CACNA2D4: variants seen among roughly 807,000 people sequenced by gnomAD.
The protein encoded by CACNA2D4 is voltage-dependent calcium channel subunit alpha-2/delta-4.
In CACNA2D4, 157 loss-of-function variants were observed where a neutral mutation model predicts 163.8. That is an observed-to-expected ratio of 0.96 (90% CI 0.84 to 1.09). The LOEUF is 1.09. CACNA2D4 is among the 50% of genes least tolerant of loss of function. CACNA2D4 has a pLI of 0.00. For synonymous variants in CACNA2D4, 598 were observed against 586.9 expected (o/e 1.02, Z -0.27); for missense variants, 1,410 against 1,479.9 (o/e 0.95, Z 0.78).
chr12:1,886,767 G>C (rs1313405928), intron 7 of CACNA2D4, among the ~76,000 whole-genome samples: 1 of 152,190 alleles, frequency 6.6e-6, no homozygotes, highest in Non-Finnish European at 1.5e-5. Flanking sequence ...AGACAGCTCA[G>C]TGTCCTGGCA....
intron 2 of CACNA2D4, 124 bp from the exon 3 acceptor site, chr12:1,913,263 A>T: frequency 1.4e-6 from 1 of 711,198 alleles, no homozygotes; most frequent in Non-Finnish European, 2.6e-6. Flanking sequence ...GGTTTACTCA[A>T]CTAGGGTGAG....
intron 26 of CACNA2D4, among the ~76,000 whole-genome samples, chr12:1,815,763 T>C (rs746934175): frequency 7.2e-5 from 11 of 152,348 alleles, no homozygotes; most frequent in South Asian, 4.1e-4. Flanking sequence ...TCCATTTTGC[T>C]GTGCCCTCTC....
At chr12:1,865,654 CCAGCAGCAG>C (rs576632941) in intron 18 of CACNA2D4, among the ~76,000 whole-genome samples, 19 of 152,128 alleles carry the variant, frequency 1.2e-4, no homozygotes, top group Non-Finnish European at 2.8e-4. Context: ...CGCACGAGGC[CCAGCAGCAG>C]CAGCAGCACC....
Position 1,799,720 on chromosome 12 carries a change from A to C in CACNA2D4, c.2975-25T>G. 1 of 1,567,442 alleles carries C rather than the reference A, an allele frequency of 6.4e-7. No homozygotes were observed. On this transcript the variant is annotated intron_variant, in intron 33 of 37. Transcript: ENST00000382722. This position sits in a 1 kb window ranked among gnomAD's most constrained non-coding sequence, Gnocchi z 4.7. Reference sequence around the variant, plus strand: ...GCTGGCCGGAACATAAGCCCAGCACAGGGTGGACACGGCACAGGAAAACAT... The same window carrying C: ...GCTGGCCGGAACATAAGCCCAGCACCGGGTGGACACGGCACAGGAAAACAT...
At chr12:1,914,772 C>A in intron 2 of CACNA2D4, 82 bp downstream of exon 2, 1 of 904,666 alleles carries the variant, frequency 1.1e-6, no homozygotes, top group South Asian at 1.4e-5. Context: ...GCCCAAGGCC[C>A]CTCACAGCAC....
rs780211262 is a variant in CACNA2D4, at chr12:1,884,972, C to T, written c.1158+15G>A. The stretch of plus-strand genomic sequence containing the variant: ...CTCCCAGTCCTCCCCTCCCAGGCCT[C>T]ATTACAGTGGGCACCTGCTTCAGGA... On this transcript the variant is annotated intron_variant, in intron 10 of 37. Transcript: ENST00000382722. 1.9e-6 allele frequency: 3 copies of T among 1,612,254 alleles called. No homozygotes were observed. Among genetic ancestry groups the T allele is most frequent in the South Asian group, 2.2e-5 (2 of 91,050 alleles).
intron 23 of CACNA2D4, among the ~76,000 whole-genome samples, chr12:1,851,679 G>GT (rs71057803): frequency 1.0e-3 from 64 of 63,500 alleles, no homozygotes; most frequent in African/African-American, 2.0e-3. Flanking sequence ...GTGTGTGTGC[G>GT]TTTTTTTTTT....
At chr12:1,835,012 A>G (rs1444064048) in intron 26 of CACNA2D4, 6 of 433,320 alleles carry the variant, frequency 1.4e-5, no homozygotes, top group African/African-American at 4.0e-5. Flanking sequence ...TGTGTGCAAG[A>G]GGAGGCTTCC....
chr12:1,902,721 C>A (rs974614803), intron 6 of CACNA2D4, among the ~76,000 whole-genome samples: 1 of 151,854 alleles, frequency 6.6e-6, no homozygotes, highest in Non-Finnish European at 1.5e-5. Context: ...GAAGATGACA[C>A]AAAAAATGGA....
At chr12:1,839,369 G>A (rs564261892) in intron 26 of CACNA2D4, among the ~76,000 whole-genome samples, 18 of 152,338 alleles carry the variant, frequency 1.2e-4, no homozygotes, top group South Asian at 2.1e-4. Context: ...GGACCTGATC[G>A]TTCTCAGACA....
At chr12:1,855,209 G>T (rs11062007) in intron 22 of CACNA2D4, among the ~76,000 whole-genome samples, 2 of 152,120 alleles carry the variant, frequency 1.3e-5, no homozygotes, top group South Asian at 2.1e-4. Context: ...GCCTTGTCTG[G>T]GTTATCTCTG....
Position 1,884,724 on chromosome 12 carries a change from G to T in CACNA2D4, c.1272+44C>A, listed in dbSNP as rs1236678791. 4 of 1,296,780 alleles carry T rather than the reference G, an allele frequency of 3.1e-6. No homozygotes were observed. In the South Asian group the frequency reaches 3.7e-5, roughly 12 times the overall value. 80.3% of individuals were successfully genotyped at this position (1,296,780 alleles called of 1,614,324 possible). A position where few individuals can be genotyped will look rare whatever the true frequency, so the allele number is the denominator to read the frequency against. ...CCTGCTGGTGATCCCATCCATGGCA[G>T]CAGGAGAAGCTTTTTTCTCCCTGGA... On this transcript the variant is annotated intron_variant, in intron 11 of 37. Transcript: ENST00000382722.
rs1433576358 is a variant in CACNA2D4 at position 1,878,400 on chromosome 12, C to T, written c.1645-11G>A. On this transcript the variant is annotated splice_polypyrimidine_tract_variant and intron_variant, in intron 15 of 37. Coordinates refer to ENST00000382722, the MANE Select transcript of CACNA2D4 (RefSeq NM_172364.5). The surrounding 1 kb of genome is among the most constrained non-coding windows in gnomAD (Gnocchi z 4.6). ...TCCGTGCACTCCAAGCTGCCAGAGT[C>T]CAGGGTGGAGGCGCATTAGGCCTGC... The T allele has an allele frequency of 6.3e-7, 1 of 1,594,226 alleles. No homozygotes were observed. The highest frequency in any genetic ancestry group is 1.8e-5 in the Admixed American group (1 of 57,036).
rs1863031684 is a variant in CACNA2D4 at position 1,793,505 on chromosome 12, C to G, written c.*150G>C. Reference sequence around the variant, plus strand: ...GGTTTCCTGTTCCATCCAGCATTCTCCGGAGCCAGGGGCCACCAGCCCAGG... The same window carrying G: ...GGTTTCCTGTTCCATCCAGCATTCTGCGGAGCCAGGGGCCACCAGCCCAGG... On this transcript the variant is annotated 3_prime_UTR_variant, in exon 38 of 38. Transcript: ENST00000382722. 4.3e-6 allele frequency: 3 copies of G among 701,480 alleles called. No individual in the cohort carries two copies. 43.5% of individuals were successfully genotyped at this position (701,480 alleles called of 1,614,324 possible). A position where few individuals can be genotyped will look rare whatever the true frequency, so the allele number is the denominator to read the frequency against.
intron 26 of CACNA2D4, among the ~76,000 whole-genome samples, chr12:1,813,807 C>T (rs1216277434): frequency 6.6e-6 from 1 of 152,056 alleles, no homozygotes; most frequent in East Asian, 1.9e-4. Flanking sequence ...GACGGGGAGA[C>T]CCATTTGCTG....
At position 1,797,457 on chromosome 12, in the gene CACNA2D4, C is replaced by T. The variant is rs2154445103; in HGVS notation, c.3074G>A (p.Arg1025Gln). The T allele has an allele frequency of 6.3e-7, 1 of 1,580,236 alleles. No homozygotes were observed. The highest frequency in any genetic ancestry group is 1.3e-5 in the African/African-American group (1 of 74,534). ...GCACTCCACGATCCCGTTGGCCTCC[C>T]GGATGGCCGGCTGGTACACGAACAC... ...YPVFVYQPAI[R>Q]EANGIVECGP... Residue 1025 changes from arginine (R) to glutamine (Q), a missense_variant, in exon 35 of 38, where the codon CGG (arginine) becomes CAG (glutamine). Arg to Gln is a conservative substitution (Grantham distance 43). Coordinates refer to ENST00000382722, the MANE Select transcript of CACNA2D4 (RefSeq NM_172364.5).
At chr12:1,888,404 A>T (rs76324104) in intron 6 of CACNA2D4, among the ~76,000 whole-genome samples, 7,095 of 152,276 alleles carry the variant, frequency 0.047, 423 homozygotes, top group African/African-American at 0.14. Context: ...ACAAGCAAAG[A>T]TTCCCAAATA....
In CACNA2D4 at chr12:1,884,812, C is replaced by A; in HGVS notation, c.1228G>T (p.Asp410Tyr). The change falls in exon 11 of 38, where the codon GAC becomes TAC. Residue 410 changes from aspartate (D) to tyrosine (Y), a missense_variant. Transcript: ENST00000382722. ...IMLISDGAVE[D>Y]YEPVFEKYNW... ...TACTTCTCAAACACCGGCTCGTAGT[C>A]CTCCACGGCGCCGTCGCTGATGAGC... 6.2e-6 allele frequency: 10 copies of A among 1,613,740 alleles called. No individual in the cohort carries two copies. The highest frequency in any genetic ancestry group is 8.5e-6 in the Non-Finnish European group (10 of 1,179,812).
At chr12:1,810,469 AGCT>A (rs75775218) in intron 28 of CACNA2D4, 71 bp downstream of exon 28, 124,932 of 1,526,704 alleles carry the variant, frequency 0.082, 5,909 homozygotes, top group Middle Eastern at 0.12. Flanking sequence ...GGGAGAGGGA[AGCT>A]GGCCTGCCAG....
Sources: allele counts gnomAD v4.1 joint callset (sites outside exome capture counted in the v4.1 genomes callset), GRCh38; gene constraint gnomAD v4.1.1; non-coding constraint Gnocchi (gnomAD v3.1); transcripts MANE v1.5; gene names NCBI Gene and HGNC (gene_info 2026-07-23, HGNC 2026-07-21).